Variants in SORCS1 observed in about 807,000 individuals in gnomAD.
The protein encoded by SORCS1 is sortilin related VPS10 domain containing receptor 1, also known as VPS10 domain-containing receptor SorCS1.
SORCS1 carries 60 observed loss-of-function variants against 146.1 expected under a neutral mutation model. The ratio of observed to expected loss-of-function variants is 0.41; its 90% CI spans 0.33 to 0.51. The LOEUF (loss-of-function observed/expected upper bound fraction) is 0.51, where lower values mean the gene tolerates loss of function less well. SORCS1 is among the 20% of genes least tolerant of loss of function. SORCS1 has a pLI of 0.21. For synonymous variants in SORCS1, 637 were observed against 584.0 expected, an observed-to-expected ratio of 1.09 and a Z score of -1.31; for missense variants, 1,352 against 1,487.6, an observed-to-expected ratio of 0.91 and a Z score of 1.50.
At chr10:107,005,477 A>G (rs1957402921) in intron 1 of SORCS1, among the ~76,000 whole-genome samples, 1 of 152,254 alleles carries the variant, frequency 6.6e-6, no homozygotes, top group African/African-American at 2.4e-5. Context: ...TTTCACAAAT[A>G]AAGGCTGAAG....
intron 24 of SORCS1, among the ~76,000 whole-genome samples, chr10:106,588,710 A>C (rs1440175350): frequency 1.3e-5 from 2 of 151,276 alleles, no homozygotes; most frequent in Non-Finnish European, 2.9e-5. Flanking sequence ...AAATACAAAA[A>C]ATTAGCCGGG....
intron 2 of SORCS1, among the ~76,000 whole-genome samples, chr10:106,884,360 ATTG>A (rs1950917362): frequency 6.6e-6 from 1 of 152,060 alleles, no homozygotes; most frequent in Non-Finnish European, 1.5e-5. Flanking sequence ...AGCATCAAAG[ATTG>A]TCTTTTGTCT....
intron 16 of SORCS1, among the ~76,000 whole-genome samples, chr10:106,670,649 A>G (rs1010222198): frequency 2.6e-4 from 40 of 151,338 alleles, no homozygotes; most frequent in African/African-American, 9.2e-4. Flanking sequence ...AAGTCCACTT[A>G]GTGTTTCCAG....
intron 1 of SORCS1, among the ~76,000 whole-genome samples, chr10:107,085,115 C>G (rs1177150601): frequency 6.6e-6 from 1 of 152,138 alleles, no homozygotes; most frequent in African/African-American, 2.4e-5. Context: ...AGCCTATTCA[C>G]AATTGAAGAG....
At chr10:107,030,584 A>G (rs928164007) in intron 1 of SORCS1, among the ~76,000 whole-genome samples, 1 of 152,204 alleles carries the variant, frequency 6.6e-6, no homozygotes, top group Non-Finnish European at 1.5e-5. Context: ...AAAAAAAGCA[A>G]TTTAACTTGG....
chr10:107,038,402 G>GA (rs1168514161), intron 1 of SORCS1, among the ~76,000 whole-genome samples: 27 of 142,192 alleles, frequency 1.9e-4, no homozygotes, highest in Non-Finnish European at 3.5e-4. Flanking sequence ...GGGGTGGGTG[G>GA]GGGGGGAGAG....
intron 24 of SORCS1, among the ~76,000 whole-genome samples, chr10:106,593,228 C>A (rs1254455538): frequency 6.6e-6 from 1 of 151,342 alleles, no homozygotes; most frequent in East Asian, 1.9e-4. Context: ...GGGGGAATTC[C>A]CTCCACTGTT....
intron 1 of SORCS1, among the ~76,000 whole-genome samples, chr10:107,096,409 T>G (rs1165632558): frequency 6.6e-6 from 1 of 152,250 alleles, no homozygotes; most frequent in Non-Finnish European, 1.5e-5. Context: ...TAGTTACCTA[T>G]AGGGAACACA....
chr10:106,938,829 T>C (rs1953883615), intron 2 of SORCS1, among the ~76,000 whole-genome samples: 1 of 152,216 alleles, frequency 6.6e-6, no homozygotes, highest in African/African-American at 2.4e-5. Context: ...GCCAGACCTC[T>C]ATTAACAGTG....
At chr10:106,933,630 T>C (rs1953532980) in intron 2 of SORCS1, among the ~76,000 whole-genome samples, 1 of 152,094 alleles carries the variant, frequency 6.6e-6, no homozygotes, top group South Asian at 2.1e-4. Context: ...GACAGTTGTA[T>C]CCAGGATGCC....
At chr10:107,001,952 T>C (rs912913390) in intron 1 of SORCS1, among the ~76,000 whole-genome samples, 3 of 152,232 alleles carry the variant, frequency 2.0e-5, no homozygotes, top group African/African-American at 7.2e-5. Context: ...TCTTTCTTCA[T>C]ATATTTTCCT....
chr10:106,775,049 C>T (rs1860322349), intron 4 of SORCS1, among the ~76,000 whole-genome samples: 1 of 152,198 alleles, frequency 6.6e-6, no homozygotes, highest in Non-Finnish European at 1.5e-5. Context: ...GCCACAGTGA[C>T]CATGGGAGGC....
chr10:106,729,959 T>C, intron 6 of SORCS1, 91 bp downstream of exon 6: 1 of 1,473,434 alleles, frequency 6.8e-7, no homozygotes, highest in Non-Finnish European at 9.5e-7. Context: ...TTACTCTGCA[T>C]ACACCATGAG....
At chr10:107,126,465 A>G (rs1197383490) in intron 1 of SORCS1, among the ~76,000 whole-genome samples, 3 of 152,168 alleles carry the variant, frequency 2.0e-5, no homozygotes, top group Non-Finnish European at 4.4e-5. Flanking sequence ...TTTAGATTGT[A>G]GTCAAATTTT....
At chr10:106,579,535 A>C (rs1297782805) in intron 24 of SORCS1, 61 bp from the exon 25 acceptor site, 14 of 1,538,846 alleles carry the variant, frequency 9.1e-6, no homozygotes, top group Admixed American at 3.4e-5. Flanking sequence ...AGACTCTATG[A>C]GAGGCTCAAA....
chr10:106,874,357 T>C (rs1950528689), intron 2 of SORCS1, among the ~76,000 whole-genome samples: 1 of 152,204 alleles, frequency 6.6e-6, no homozygotes, highest in African/African-American at 2.4e-5. Flanking sequence ...AAACAAATTA[T>C]TATGACATTC....
Position 106,917,987 on chromosome 10 carries a change from A to G in SORCS1, c.626+38526T>C, listed in dbSNP as rs1044662115. 4.6e-5 allele frequency among the ~76,000 whole-genome samples: 7 copies of G among 152,172 alleles called. No individual in the cohort carries two copies. In the East Asian group the frequency reaches 1.4e-3, roughly 29 times the overall value. ...AGCTCATTTTGAACATCCTTGGAACAGTACATAAATTTTTATCTTATTTAC... is the reference window on the plus strand; with the variant it reads ...AGCTCATTTTGAACATCCTTGGAACGGTACATAAATTTTTATCTTATTTAC... On this transcript the variant is annotated intron_variant, in intron 2 of 25. Transcript: ENST00000263054.
intron 2 of SORCS1, among the ~76,000 whole-genome samples, chr10:106,926,872 G>C (rs1235731303): frequency 3.6e-4 from 40 of 111,820 alleles, no homozygotes; most frequent in East Asian, 1.2e-3. Flanking sequence ...CACACAGAGA[G>C]AGAGAGAGAG....
At chr10:106,607,099 G>A in intron 23 of SORCS1, 67 bp downstream of exon 23, 1 of 1,580,950 alleles carries the variant, frequency 6.3e-7, no homozygotes, top group East Asian at 2.2e-5. Context: ...CAGAAATGGA[G>A]GCTTAGAAAG....
Sources: allele counts gnomAD v4.1 joint callset (sites outside exome capture counted in the v4.1 genomes callset), GRCh38; gene constraint gnomAD v4.1.1; transcripts MANE v1.5; gene names NCBI Gene and HGNC (gene_info 2026-07-23, HGNC 2026-07-21).